Variants in CAMKMT observed in about 807,000 individuals in gnomAD.
CAMKMT encodes CaM KMT.
A neutral mutation model predicts 48.0 loss-of-function variants in CAMKMT; 53 were observed. The ratio of observed to expected loss-of-function variants is 1.10; its 90% confidence interval spans 0.89 to 1.39. The LOEUF (loss-of-function observed/expected upper bound fraction) is 1.39, where lower values mean the gene tolerates loss of function less well. CAMKMT is among the 40% of genes most tolerant of loss of function. CAMKMT has a pLI of 0.00. For synonymous variants in CAMKMT, 165 were observed against 152.3 expected, an observed-to-expected ratio of 1.08 and a Z score of -0.61; for missense variants, 428 against 402.7, an observed-to-expected ratio of 1.06 and a Z score of -0.54.
intron 3 of CAMKMT, among the ~76,000 whole-genome samples, chr2:44,703,771 T>TAAAAAAAAAA (rs547342457): frequency 1.2e-5 from 1 of 84,098 alleles, no homozygotes; most frequent in Non-Finnish European, 2.3e-5. Context: ...AGCAAGACTC[T>TAAAAAAAAAA]AAAAAAAAAA....
At chr2:44,708,119 T>C (rs1677664336) in intron 6 of CAMKMT, among the ~76,000 whole-genome samples, 1 of 151,742 alleles carries the variant, frequency 6.6e-6, no homozygotes, top group Non-Finnish European at 1.5e-5. Flanking sequence ...CAAGCATAAA[T>C]GTAGCTACTT....
At chr2:44,672,334 T>G (rs1675378435) in intron 3 of CAMKMT, among the ~76,000 whole-genome samples, 1 of 152,060 alleles carries the variant, frequency 6.6e-6, no homozygotes. Context: ...ACAAGTGGAG[T>G]GGGCAGAGCT....
intron 3 of CAMKMT, among the ~76,000 whole-genome samples, chr2:44,426,208 G>A (rs1452641265): frequency 1.3e-5 from 2 of 152,126 alleles, no homozygotes; most frequent in Non-Finnish European, 2.9e-5. Context: ...AATAGAATTG[G>A]AAAAGGCGGG....
At chr2:44,439,310 C>T (rs191402335) in intron 3 of CAMKMT, among the ~76,000 whole-genome samples, 1 of 152,180 alleles carries the variant, frequency 6.6e-6, no homozygotes, top group Non-Finnish European at 1.5e-5. Flanking sequence ...AATCCTCTCT[C>T]TCTCCTACAT....
chr2:44,612,876 A>G (rs779776434), intron 3 of CAMKMT, among the ~76,000 whole-genome samples: 41 of 152,048 alleles, frequency 2.7e-4, no homozygotes, highest in Middle Eastern at 3.4e-3. Context: ...TTTCTCTCTC[A>G]CTCATTAACG....
At chr2:44,398,051 C>T (rs980444890) in intron 3 of CAMKMT, among the ~76,000 whole-genome samples, 31 of 152,106 alleles carry the variant, frequency 2.0e-4, no homozygotes, top group African/African-American at 7.2e-4. Context: ...AGTAGTTTTC[C>T]TTTGTCTGTC....
intron 3 of CAMKMT, among the ~76,000 whole-genome samples, chr2:44,539,477 A>G (rs1000271692): frequency 2.2e-4 from 34 of 152,166 alleles, no homozygotes; most frequent in African/African-American, 8.0e-4. Context: ...CAGTACAATT[A>G]TCAAAATCAG....
At chr2:44,692,178 G>A (rs182064794) in intron 3 of CAMKMT, among the ~76,000 whole-genome samples, 176 of 152,198 alleles carry the variant, frequency 1.2e-3, no homozygotes, top group Admixed American at 7.5e-3. Context: ...CCATAAAAAT[G>A]TAATTCAGGT....
At chr2:44,539,078 T>A (rs1166425208) in intron 3 of CAMKMT, among the ~76,000 whole-genome samples, 2 of 150,198 alleles carry the variant, frequency 1.3e-5, no homozygotes, top group Non-Finnish European at 3.0e-5. Flanking sequence ...CCGAGGTGGG[T>A]GGATTGCCTG....
intron 10 of CAMKMT, among the ~76,000 whole-genome samples, chr2:44,769,049 A>G (rs186341054): frequency 6.6e-6 from 1 of 152,104 alleles, no homozygotes; most frequent in East Asian, 1.9e-4. Context: ...ACTCATACAC[A>G]GCTGCCTTCG....
At chr2:44,368,542 A>G (rs1386844343) in intron 1 of CAMKMT, among the ~76,000 whole-genome samples, 1 of 152,150 alleles carries the variant, frequency 6.6e-6, no homozygotes, top group Non-Finnish European at 1.5e-5. Flanking sequence ...GTCATACTGT[A>G]GATCATGCAG....
chr2:44,566,739 A>G (rs551142983), intron 3 of CAMKMT, among the ~76,000 whole-genome samples: 1 of 152,240 alleles, frequency 6.6e-6, no homozygotes, highest in South Asian at 2.1e-4. Flanking sequence ...CCTGCTTGAC[A>G]TTTATGAGTG....
chr2:44,500,281 A>T lies in CAMKMT; in HGVS notation c.376+109976A>T, dbSNP rs548799022. Among the ~76,000 whole-genome samples the T allele has an allele frequency of 3.9e-5, 6 of 152,300 alleles. No homozygotes were observed. In the South Asian group the frequency reaches 1.2e-3, roughly 32 times the overall value. ...GACTATAAATATAAGCATACAGTTA[A>T]ATCTGTGATACATTTTGAATTAGCC... On this transcript the variant is annotated intron_variant, in intron 3 of 10. Transcript: ENST00000378494.
intron 3 of CAMKMT, among the ~76,000 whole-genome samples, chr2:44,595,789 GA>G (rs2103837073): frequency 6.6e-6 from 1 of 152,282 alleles, no homozygotes; most frequent in Non-Finnish European, 1.5e-5. Flanking sequence ...ATACACCATG[GA>G]ATAGTATGCA....
At chr2:44,445,933 T>C (rs921750060) in intron 3 of CAMKMT, among the ~76,000 whole-genome samples, 4 of 152,062 alleles carry the variant, frequency 2.6e-5, no homozygotes, top group African/African-American at 4.8e-5. Context: ...ACTGCCATTT[T>C]CCCCAAAACA....
intron 7 of CAMKMT, among the ~76,000 whole-genome samples, chr2:44,731,900 CT>C (rs1322963376): frequency 6.6e-5 from 10 of 152,214 alleles, no homozygotes; most frequent in Admixed American, 6.5e-4. Flanking sequence ...TTCTGCTATA[CT>C]ATACCTGTTA....
chr2:44,434,823 C>G (rs1213052993), intron 3 of CAMKMT, among the ~76,000 whole-genome samples: 4 of 152,168 alleles, frequency 2.6e-5, no homozygotes, highest in Non-Finnish European at 4.4e-5. Context: ...CAAAAAATGG[C>G]AGAAACCTAG....
chr2:44,509,363 G>A (rs1670422901), intron 3 of CAMKMT, among the ~76,000 whole-genome samples: 1 of 151,984 alleles, frequency 6.6e-6, no homozygotes, highest in South Asian at 2.1e-4. Context: ...CACCCAGGCT[G>A]GAGTGCAGTC....
chr2:44,363,800 C>A (rs1416997618), intron 1 of CAMKMT, among the ~76,000 whole-genome samples: 1 of 151,664 alleles, frequency 6.6e-6, no homozygotes, highest in East Asian at 1.9e-4. Context: ...AGCAATTCTC[C>A]CGTACTCAGC....
Sources: gnomAD v4.1 joint callset for allele counts (sites outside exome capture counted in the v4.1 genomes callset) on GRCh38, gnomAD v4.1.1 for gene constraint, MANE v1.5 for transcripts, NCBI Gene and HGNC (gene_info 2026-07-23, HGNC 2026-07-21) for gene names.